LRFN2: variants seen among roughly 807,000 people sequenced by gnomAD.
LRFN2 encodes the protein leucine-rich repeat and fibronectin type-III domain-containing protein 2.
LRFN2 carries 18 observed loss-of-function variants against 37.3 expected under a neutral mutation model. That is an observed-to-expected ratio of 0.48 (90% CI 0.33 to 0.72). LRFN2 has a LOEUF of 0.72. LRFN2 is among the 30% of genes least tolerant of loss of function. The pLI is 0.02. For synonymous variants in LRFN2, 556 were observed against 466.6 expected, an observed-to-expected ratio of 1.19 and a Z score of -2.47; for missense variants, 1,006 against 1,060.7, an observed-to-expected ratio of 0.95 and a Z score of 0.72.
chr6:40,507,302 T>A (rs1405211207), intron 1 of LRFN2, among the ~76,000 whole-genome samples: 1 of 152,232 alleles, frequency 6.6e-6, no homozygotes, highest in Admixed American at 6.5e-5. Context: ...GGATTTTTTT[T>A]ACCTGTCTTC....
At chr6:40,525,678 C>CT (rs1224665968) in intron 1 of LRFN2, among the ~76,000 whole-genome samples, 2 of 152,146 alleles carry the variant, frequency 1.3e-5, no homozygotes, top group Admixed American at 6.5e-5. Flanking sequence ...GTGGTGCCTC[C>CT]TTCCTCTTGC....
chr6:40,532,350 C>A (rs908578893), intron 1 of LRFN2, among the ~76,000 whole-genome samples: 4 of 152,126 alleles, frequency 2.6e-5, no homozygotes, highest in Non-Finnish European at 4.4e-5. Context: ...AATCACATGC[C>A]CCCTAATAGC....
chr6:40,540,626 C>A (rs896458954), intron 1 of LRFN2, among the ~76,000 whole-genome samples: 1 of 152,180 alleles, frequency 6.6e-6, no homozygotes, highest in South Asian at 2.1e-4. Context: ...CTGCCTCTGC[C>A]GCAGTATCGT....
chr6:40,587,291 C>T lies in LRFN2; in HGVS notation c.-369G>A, dbSNP rs1279769212. ...GAACCCCAGGCATTCCCAGGAACCTCGGGCATCTTGGAATGTGGGGTGTCT... is the reference window on the plus strand; with the variant it reads ...GAACCCCAGGCATTCCCAGGAACCTTGGGCATCTTGGAATGTGGGGTGTCT... On this transcript the variant is annotated 5_prime_UTR_variant, in exon 1 of 3. Coordinates refer to ENST00000338305, the MANE Select transcript of LRFN2 (RefSeq NM_020737.3). This position sits in a 1 kb window ranked among gnomAD's most constrained non-coding sequence, Gnocchi z 4.2. 6.6e-6 allele frequency: 1 copy of T among 152,190 alleles called. No homozygotes were observed. Among genetic ancestry groups the T allele is most frequent in the African/African-American group, 2.4e-5 (1 of 41,448 alleles). The allele number at this position is 152,190 out of a possible 1,614,324, so 9.4% of individuals were successfully genotyped here.
At chr6:40,504,405 C>T (rs1765472777) in intron 1 of LRFN2, among the ~76,000 whole-genome samples, 1 of 152,156 alleles carries the variant, frequency 6.6e-6, no homozygotes. Context: ...TGGCACACAC[C>T]ATGTGCCCAA....
At chr6:40,551,548 C>T (rs1224349697) in intron 1 of LRFN2, among the ~76,000 whole-genome samples, 1 of 152,168 alleles carries the variant, frequency 6.6e-6, no homozygotes, top group East Asian at 1.9e-4. Flanking sequence ...ACATTTATCT[C>T]TTGAGTTTAA....
chr6:40,450,206 C>T (rs571913320), intron 1 of LRFN2, among the ~76,000 whole-genome samples: 115 of 152,214 alleles, frequency 7.6e-4, no homozygotes, highest in Non-Finnish European at 1.4e-3. Flanking sequence ...CCTTGCCTCA[C>T]CTTCCCTACC....
chr6:40,546,601 G>A (rs1766668191), intron 1 of LRFN2, among the ~76,000 whole-genome samples: 1 of 152,166 alleles, frequency 6.6e-6, no homozygotes, highest in Admixed American at 6.5e-5. Flanking sequence ...CACTGACTTT[G>A]GAGTCCAGCT....
Position 40,497,860 on chromosome 6 carries a change from C to T in LRFN2, c.-18-64729G>A, listed in dbSNP as rs141641728. 1.9e-3 allele frequency among the ~76,000 whole-genome samples: 288 copies of T among 152,314 alleles called. 2 individuals carry two copies. Among genetic ancestry groups the T allele is most frequent in the African/African-American group, 6.8e-3 (283 of 41,562 alleles). On this transcript the variant is annotated intron_variant, in intron 1 of 2. Coordinates refer to ENST00000338305, the MANE Select transcript of LRFN2 (RefSeq NM_020737.3). ...AAGATCAGGACATCAACAGCTGGCA[C>T]ACAGGGGATTCTTAGAAGGCTAGAA...
intron 1 of LRFN2, among the ~76,000 whole-genome samples, chr6:40,472,311 G>A (rs1013869340): frequency 1.3e-5 from 2 of 152,148 alleles, no homozygotes; most frequent in African/African-American, 4.8e-5. Flanking sequence ...GTGGGGCTTT[G>A]AAAAAACCAG....
chr6:40,472,306 G>A (rs77500947), intron 1 of LRFN2, among the ~76,000 whole-genome samples: 1,881 of 152,250 alleles, frequency 0.012, 29 homozygotes, highest in East Asian at 0.065. Flanking sequence ...AGCAGGTGGG[G>A]CTTTGAAAAA....
At chr6:40,525,936 C>T (rs1181881651) in intron 1 of LRFN2, among the ~76,000 whole-genome samples, 2 of 152,208 alleles carry the variant, frequency 1.3e-5, no homozygotes, top group Non-Finnish European at 2.9e-5. Flanking sequence ...GGGCCAGCTA[C>T]ACGTCACCAT....
In LRFN2 at chr6:40,473,186, G is replaced by A. The variant is rs981144960; in HGVS notation, c.-18-40055C>T. Among the ~76,000 whole-genome samples, 4 of 152,144 alleles carry A rather than the reference G, an allele frequency of 2.6e-5. No homozygotes were observed. The East Asian group carries it at 7.7e-4, about 29-fold the overall frequency. On this transcript the variant is annotated intron_variant, in intron 1 of 2. Coordinates refer to ENST00000338305, the MANE Select transcript of LRFN2 (RefSeq NM_020737.3). ...CACTCTACTGGATGGCAGCCAGGAG[G>A]GGTGGTTATAAACTGACAAGCAGCT...
chr6:40,470,980 C>T (rs1764581995), intron 1 of LRFN2, among the ~76,000 whole-genome samples: 1 of 152,184 alleles, frequency 6.6e-6, no homozygotes, highest in African/African-American at 2.4e-5. Context: ...GGGTCACACC[C>T]AACCTTGGGG....
intron 1 of LRFN2, among the ~76,000 whole-genome samples, chr6:40,473,370 T>C (rs73732675): frequency 0.014 from 2,058 of 152,174 alleles, 60 homozygotes; most frequent in African/African-American, 0.046. Flanking sequence ...AAAACCTAGG[T>C]TTAAACTCCA....
chr6:40,418,446 AC>A (rs748677224), intron 2 of LRFN2, among the ~76,000 whole-genome samples: 4 of 151,530 alleles, frequency 2.6e-5, no homozygotes, highest in African/African-American at 7.3e-5. Flanking sequence ...CCCTGTTCCC[AC>A]CTCTGCCTTC....
intron 1 of LRFN2, among the ~76,000 whole-genome samples, chr6:40,565,818 G>C (rs1474420240): frequency 1.3e-5 from 2 of 151,764 alleles, no homozygotes; most frequent in Non-Finnish European, 2.9e-5. Flanking sequence ...TCAGGACATA[G>C]GCATGGGCAA....
Position 40,392,739 on chromosome 6 carries a change from A to G in LRFN2, c.1574T>C (p.Met525Thr), listed in dbSNP as rs774148660. The stretch of plus-strand genomic sequence containing the variant: ...GGTGCCGCCCAGAATCTGGCTGTGC[A>G]TGGACTGGCACTGCGGGTAGTCAGC... ...TKADYPQCQSMHSQILGGTMI... is the reference protein window; with the variant it reads ...TKADYPQCQSTHSQILGGTMI... Residue 525 changes from methionine to threonine, a missense_variant, in exon 3 of 3, where the codon ATG (methionine) becomes ACG (threonine). By Grantham distance (81) the Met-to-Thr change is moderately conservative (BLOSUM62 -1). Transcript: ENST00000338305. The surrounding 1 kb of genome is among the most constrained non-coding windows in gnomAD (Gnocchi z 4.7). 3 of 1,614,116 alleles carry G rather than the reference A, an allele frequency of 1.9e-6. No individual in the cohort carries two copies. The highest frequency in any genetic ancestry group is 2.5e-6 in the Non-Finnish European group (3 of 1,180,002).
rs1421475710 is a variant in LRFN2 at position 40,584,762 on chromosome 6, AC to A, written c.-19+2178del. Among the ~76,000 whole-genome samples, 3 of 151,608 alleles carry A rather than the reference AC, an allele frequency of 2.0e-5. No homozygotes were observed. The South Asian group carries it at 6.2e-4, about 32-fold the overall frequency. On this transcript the variant is annotated intron_variant, in intron 1 of 2. Coordinates refer to ENST00000338305, the MANE Select transcript of LRFN2 (RefSeq NM_020737.3). ...AAAAAAGGAGAGCAGAACCTGCTCA[AC>A]CCCACAGGCTGAAGAGGCTTGGCAA...
Sources: gnomAD v4.1 joint callset for allele counts (sites outside exome capture counted in the v4.1 genomes callset) on GRCh38, gnomAD v4.1.1 for gene constraint, Gnocchi (gnomAD v3.1) non-coding constraint, MANE v1.5 for transcripts, NCBI Gene and HGNC (gene_info 2026-07-23, HGNC 2026-07-21) for gene names.